Variants in GPR158 observed in about 807,000 individuals in gnomAD.
GPR158 encodes the protein G protein-coupled receptor 158.
Under a neutral mutation model 78.2 loss-of-function variants are expected in GPR158, and 30 were observed. That is an observed-to-expected ratio of 0.38 (90% CI 0.29 to 0.52). The LOEUF is 0.52. GPR158 is among the 20% of genes least tolerant of loss of function. The pLI is 0.83. For synonymous variants in GPR158, 581 were observed against 591.1 expected (o/e 0.98, Z 0.25); for missense variants, 1,463 against 1,523.5 (o/e 0.96, Z 0.66).
intron 4 of GPR158, among the ~76,000 whole-genome samples, chr10:25,433,558 TGTGTGTGTGTGTGCGCGCGCGCGTGCGC>T (rs1564454599): frequency 2.4e-5 from 2 of 84,806 alleles, no homozygotes; most frequent in Non-Finnish European, 5.9e-5. Context: ...TGTGTGTGTG[TGTGTGTGTGTGTGCGCGCGCGCGTGCGC>T]GTGCGCATAT....
intron 2 of GPR158, among the ~76,000 whole-genome samples, chr10:25,338,413 T>G (rs71495428): frequency 6.9e-6 from 1 of 144,402 alleles, no homozygotes; most frequent in African/African-American, 2.5e-5. Flanking sequence ...ATATATAACG[T>G]ATTATATATT....
chr10:25,175,445 C>A lies in GPR158; in HGVS notation c.25C>A (p.Leu9Ile). The A allele has an allele frequency of 6.3e-7, 1 of 1,589,882 alleles. No individual in the cohort carries two copies. The highest frequency in any genetic ancestry group is 1.7e-5 in the Admixed American group (1 of 57,474). ...GATGGGAGCCATGGCTTACCCCTTA[C>A]TCCTCTGCCTCCTGCTTGCTCAGCT... is the stretch of plus-strand genomic sequence containing the variant. MGAMAYPLLLCLLLAQLGL... is the reference protein window; with the variant it reads MGAMAYPLILCLLLAQLGL... Residue 9 changes from leucine to isoleucine, a missense_variant, in exon 1 of 11, where the codon CTC (leucine) becomes ATC (isoleucine). Physicochemically the swap from Leu to Ile is conservative, Grantham distance 5 (BLOSUM62 2). Coordinates refer to ENST00000376351, the MANE Select transcript of GPR158 (RefSeq NM_020752.3). This position sits in a 1 kb window ranked among gnomAD's most constrained non-coding sequence, Gnocchi z 6.4.
At chr10:25,489,707 A>T (rs1177685809) in intron 5 of GPR158, among the ~76,000 whole-genome samples, 1 of 152,054 alleles carries the variant, frequency 6.6e-6, no homozygotes, top group Non-Finnish European at 1.5e-5. Context: ...CGCCTCCTTC[A>T]TGTGTTCCCA....
intron 1 of GPR158, among the ~76,000 whole-genome samples, chr10:25,202,714 T>A (rs1054645368): frequency 1.3e-5 from 2 of 152,214 alleles, no homozygotes; most frequent in Non-Finnish European, 2.9e-5. Flanking sequence ...GCAATAAACA[T>A]ACGTGTGCAT....
chr10:25,366,682 T>G (rs1227165861), intron 2 of GPR158, among the ~76,000 whole-genome samples: 1 of 151,688 alleles, frequency 6.6e-6, no homozygotes, highest in Non-Finnish European at 1.5e-5. Context: ...TCCTCCTGTC[T>G]AGCTGAAATT....
Position 25,531,285 on chromosome 10 carries a change from A to G in GPR158, c.1405-19691A>G, listed in dbSNP as rs1421902746. On this transcript the variant is annotated intron_variant, in intron 5 of 10. Transcript: ENST00000376351. ...TCCTGGGCAAGTTACTTATCGTCCT[A>G]AGTATCTCAAGTCAGGAAAAGAGAA... is the stretch of plus-strand genomic sequence containing the variant. 5.9e-5 allele frequency among the ~76,000 whole-genome samples: 9 copies of G among 152,318 alleles called. No individual in the cohort carries two copies. The East Asian group carries it at 1.5e-3, about 26-fold the overall frequency.
chr10:25,572,875 A>C lies in GPR158; in HGVS notation c.1741A>C (p.Met581Leu). 6.3e-7 allele frequency: 1 copy of C among 1,590,414 alleles called. No homozygotes were observed. The highest frequency in any genetic ancestry group is 8.6e-7 in the Non-Finnish European group (1 of 1,158,358). ...GTGCCTCATTGACCGCTGGGACTAC[A>C]TGACAGCAGTTGGTATGTGGTCACT... The part of the protein sequence containing the change: ...NMCLIDRWDY[M>L]TAVAEFLFLL... The change falls in exon 7 of 11, where the codon ATG becomes CTG. Residue 581 changes from methionine to leucine, a missense_variant. Coordinates refer to ENST00000376351, the MANE Select transcript of GPR158 (RefSeq NM_020752.3).
intron 1 of GPR158, among the ~76,000 whole-genome samples, chr10:25,207,001 A>G (rs1317351063): frequency 6.6e-6 from 1 of 151,418 alleles, no homozygotes; most frequent in Non-Finnish European, 1.5e-5. Flanking sequence ...CCCACGGGGG[A>G]AATGCAAAGA....
intron 2 of GPR158, among the ~76,000 whole-genome samples, chr10:25,388,042 C>A (rs1413440454): frequency 6.6e-6 from 1 of 152,150 alleles, no homozygotes; most frequent in African/African-American, 2.4e-5. Context: ...ACTCTAAACT[C>A]TTGACCACCA....
intron 7 of GPR158, 115 bp downstream of exon 7, chr10:25,573,002 T>G: frequency 1.4e-6 from 1 of 697,320 alleles, no homozygotes; most frequent in Non-Finnish European, 2.6e-6. Context: ...TCTCACCTAA[T>G]GTGATTCTGG....
chr10:25,219,448 C>A (rs1187607197), intron 1 of GPR158, among the ~76,000 whole-genome samples: 1 of 152,108 alleles, frequency 6.6e-6, no homozygotes, highest in Non-Finnish European at 1.5e-5. Context: ...TGCGTTATGG[C>A]CCACAACAGT....
intron 7 of GPR158, among the ~76,000 whole-genome samples, chr10:25,575,332 GT>G (rs894455445): frequency 6.6e-6 from 1 of 152,142 alleles, no homozygotes; most frequent in Admixed American, 6.5e-5. Context: ...ATGTATTTTG[GT>G]TTTTTTGTTT....
chr10:25,199,728 G>A (rs998968064), intron 1 of GPR158, among the ~76,000 whole-genome samples: 1 of 152,072 alleles, frequency 6.6e-6, no homozygotes, highest in Non-Finnish European at 1.5e-5. Context: ...TTCCCCTTCT[G>A]CATGGCCTTC....
At chr10:25,241,376 C>CTTCTCTTCTCTTCTT (rs1564399801) in intron 2 of GPR158, among the ~76,000 whole-genome samples, 2 of 87,284 alleles carry the variant, frequency 2.3e-5, no homozygotes, top group Non-Finnish European at 4.4e-5. Context: ...TCTTTTCTCT[C>CTTCTCTTCTCTTCTT]TTCTCTTCTC....
chr10:25,592,124 A>G (rs1297666847), intron 8 of GPR158, among the ~76,000 whole-genome samples: 1 of 152,046 alleles, frequency 6.6e-6, no homozygotes, highest in African/African-American at 2.4e-5. Flanking sequence ...AGTGAAAAAT[A>G]TATTCTCTAT....
chr10:25,339,701 T>C (rs1206892934), intron 2 of GPR158, among the ~76,000 whole-genome samples: 2 of 152,122 alleles, frequency 1.3e-5, no homozygotes, highest in Non-Finnish European at 2.9e-5. Flanking sequence ...TGCTAAGCTT[T>C]TGTCATGAAG....
intron 2 of GPR158, among the ~76,000 whole-genome samples, chr10:25,340,956 A>G (rs909914948): frequency 6.6e-6 from 1 of 151,646 alleles, no homozygotes; most frequent in Non-Finnish European, 1.5e-5. Context: ...ACCAAATACA[A>G]TTTTTTTTTA....
chr10:25,587,884 C>T (rs941354164), intron 7 of GPR158, among the ~76,000 whole-genome samples: 5 of 152,150 alleles, frequency 3.3e-5, no homozygotes, highest in Admixed American at 2.0e-4. Flanking sequence ...GATGGATGAT[C>T]CATGTTTTGA....
At position 25,176,272 on chromosome 10, in the gene GPR158, T is replaced by C; in HGVS notation, c.852T>C (p.Thr284=). 6.2e-7 allele frequency: 1 copy of C among 1,610,038 alleles called. No homozygotes were observed. The highest frequency in any genetic ancestry group is 8.5e-7 in the Non-Finnish European group (1 of 1,178,706). ...NGSYKPGWLV[T]LSSAIYGLQP... The stretch of plus-strand genomic sequence containing the variant: ...GTTACAAGCCCGGGTGGCTGGTTAC[T>C]CTTTCCTCTGCCATCTACGGGTTGC... Residue 284 remains threonine (T), a synonymous_variant, in exon 1 of 11, where the codon ACT becomes ACC. Transcript: ENST00000376351. This position sits in a 1 kb window ranked among gnomAD's most constrained non-coding sequence, Gnocchi z 6.3.
Sources: gnomAD v4.1 joint callset for allele counts (sites outside exome capture counted in the v4.1 genomes callset) on GRCh38, gnomAD v4.1.1 for gene constraint, Gnocchi (gnomAD v3.1) non-coding constraint, MANE v1.5 for transcripts, NCBI Gene and HGNC (gene_info 2026-07-23, HGNC 2026-07-21) for gene names.